Variants in PKP1 observed in about 807,000 individuals in gnomAD.
PKP1 encodes the protein plakophilin-1.
PKP1 carries 27 observed loss-of-function variants against 76.4 expected under a neutral mutation model. The ratio of observed to expected loss-of-function variants is 0.35; its 90% CI spans 0.26 to 0.49. The LOEUF (loss-of-function observed/expected upper bound fraction) is 0.49, where lower values mean the gene tolerates loss of function less well. Among genes scored for constraint, PKP1 ranks in the 20% least tolerant of loss-of-function variants. PKP1 has a pLI of 0.99. For missense variants in PKP1, 964 were observed against 955.2 expected (o/e 1.01, Z -0.12); for synonymous variants, 404 against 384.2 (o/e 1.05, Z -0.60).
intron 7 of PKP1, among the ~76,000 whole-genome samples, chr1:201,321,276 C>T (rs1157302842): frequency 6.6e-6 from 1 of 152,212 alleles, no homozygotes. Flanking sequence ...ACCTGTGTAA[C>T]CCCAAGCCCT....
chr1:201,283,822 C>G lies in PKP1; in HGVS notation c.120C>G (p.Arg40=), dbSNP rs1655645174. The change falls in exon 1 of 14, where the codon CGC becomes CGG. Residue 40 remains arginine (R), a synonymous_variant. Transcript: ENST00000367324. ...KMKTGTSGRQ[R]VQEQVMMTVK... ...AAACAGGCACGTCTGGCAGGCAGCG[C>G]GTGCAGGAGCAGGTGATGATGACCG... 2 of 1,614,050 alleles carry G rather than the reference C, an allele frequency of 1.2e-6. No individual in the cohort carries two copies. Among genetic ancestry groups the G allele is most frequent in the African/African-American group, 1.3e-5 (1 of 74,946 alleles).
rs1398149786 is a variant in PKP1 at position 201,323,112 on chromosome 1, A to G, written c.1603A>G (p.Met535Val). 6.2e-7 allele frequency: 1 copy of G among 1,613,350 alleles called. No homozygotes were observed. Among genetic ancestry groups the G allele is most frequent in the Admixed American group, 1.7e-5 (1 of 60,020 alleles). Residue 535 changes from methionine (M) to valine (V), a missense_variant, in exon 9 of 14, where the codon ATG becomes GTG. By Grantham distance (21) the Met-to-Val change is conservative. Coordinates refer to ENST00000367324, the MANE Select transcript of PKP1 (RefSeq NM_001005337.3). Reference sequence around the variant, plus strand: ...TGCCATCCGCACCTACCTGAACCTCATGGGCAAGAGCAAGAAAGATGCTAC... The same window carrying G: ...TGCCATCCGCACCTACCTGAACCTCGTGGGCAAGAGCAAGAAAGATGCTAC... ...SDAIRTYLNL[M>V]GKSKKDATLE...
Position 201,316,687 on chromosome 1 carries a change from C to T in PKP1, c.836C>T (p.Ala279Val). 6.2e-7 allele frequency: 1 copy of T among 1,613,808 alleles called. No homozygotes were observed. The highest frequency in any genetic ancestry group is 8.5e-7 in the Non-Finnish European group (1 of 1,180,008). The change falls in exon 4 of 14, where the codon GCC (alanine) becomes GTC (valine). Residue 279 changes from alanine to valine, a missense_variant. By Grantham distance (64) the Ala-to-Val change is moderately conservative (BLOSUM62 0). Coordinates refer to ENST00000367324, the MANE Select transcript of PKP1 (RefSeq NM_001005337.3). The stretch of plus-strand genomic sequence containing the variant: ...CATACCTGCTTCCAGGATGAATCTG[C>T]CAAGCAACAGGTAGCTGGTTGCATA... ...IQHTCFQDES[A>V]KQQVYQLGGI...
At chr1:201,293,149 A>G (rs1432716310) in intron 1 of PKP1, among the ~76,000 whole-genome samples, 1 of 152,158 alleles carries the variant, frequency 6.6e-6, no homozygotes, top group Non-Finnish European at 1.5e-5. Context: ...AGGACAGTGA[A>G]CAGACCAGCT....
At chr1:201,300,412 C>T (rs1266194406) in intron 2 of PKP1, among the ~76,000 whole-genome samples, 2 of 152,242 alleles carry the variant, frequency 1.3e-5, no homozygotes, top group Non-Finnish European at 2.9e-5. Flanking sequence ...TTCTGTTGCC[C>T]TTAGGGTTGG....
Position 201,323,007 on chromosome 1 carries a change from C to T in PKP1, c.1504-6C>T. 1 of 1,613,900 alleles carries T rather than the reference C, an allele frequency of 6.2e-7. No homozygotes were observed. On this transcript the variant is annotated splice_region_variant and splice_polypyrimidine_tract_variant and intron_variant, in intron 8 of 13. Coordinates refer to ENST00000367324, the MANE Select transcript of PKP1 (RefSeq NM_001005337.3). Reference sequence around the variant, plus strand: ...TTGACCCCCCTGACCGGCTCTTTATCCTCAGAACAACAACTATGACTGCCC... The same window carrying T: ...TTGACCCCCCTGACCGGCTCTTTATTCTCAGAACAACAACTATGACTGCCC...
chr1:201,313,504 C>T lies in PKP1; in HGVS notation c.645C>T (p.Ile215=). 1.2e-6 allele frequency: 2 copies of T among 1,614,020 alleles called. No individual in the cohort carries two copies. Residue 215 remains isoleucine, a synonymous_variant, in exon 3 of 14, where the codon ATC becomes ATT. Coordinates refer to ENST00000367324, the MANE Select transcript of PKP1 (RefSeq NM_001005337.3). ...CCTCCAAGCAGGACCCTGTGTATAT[C>T]CCGCCCATCTCCTGCAACAAGGACC... ...SCASKQDPVY[I]PPISCNKDLS... is the part of the protein sequence containing the mutation.
Position 201,320,450 on chromosome 1 carries a change from G to A in PKP1, c.1347+69G>A, listed in dbSNP as rs190959408. The A allele has an allele frequency of 1.2e-5, 12 of 983,388 alleles. No individual in the cohort carries two copies. In the East Asian group the frequency reaches 2.2e-4, roughly 18 times the overall value. The allele number at this position is 983,388 out of a possible 1,614,324, so 60.9% of individuals were successfully genotyped here. A position where few individuals can be genotyped will look rare whatever the true frequency, so the allele number is the denominator to read the frequency against. On this transcript the variant is annotated intron_variant, in intron 7 of 13. Transcript: ENST00000367324. ...CCCTACATTTTCTGGGTGCCTTTGA[G>A]GCCTGGCCCAGTGACAAGACAGGAG...
chr1:201,287,044 G>A (rs1259363287), intron 1 of PKP1, among the ~76,000 whole-genome samples: 1 of 152,146 alleles, frequency 6.6e-6, no homozygotes, highest in Non-Finnish European at 1.5e-5. Context: ...CTCCTTCCAG[G>A]GAAGTCCTAA....
At chr1:201,290,883 G>T (rs1425145534) in intron 1 of PKP1, among the ~76,000 whole-genome samples, 1 of 152,176 alleles carries the variant, frequency 6.6e-6, no homozygotes, top group Non-Finnish European at 1.5e-5. Flanking sequence ...TCCTAGAAGT[G>T]CATTCTAGAG....
chr1:201,313,693 C>A, intron 3 of PKP1, 133 bp downstream of exon 3: 3 of 972,298 alleles, frequency 3.1e-6, no homozygotes, highest in Non-Finnish European at 4.5e-6. Flanking sequence ...GAGTTCATTG[C>A]CCCTGGTGTA....
At chr1:201,328,978 T>C in intron 13 of PKP1, 110 bp downstream of exon 13, 6 of 777,322 alleles carry the variant, frequency 7.7e-6, no homozygotes, top group Non-Finnish European at 1.4e-5. Flanking sequence ...AAGCATCCTT[T>C]TGCCTGGCTC....
chr1:201,283,783 G>A lies in PKP1; in HGVS notation c.81G>A (p.Ser27=), dbSNP rs1422494594. ...ACAACTCCACGTTGGCTTTGCCGTC[G>A]GACCAAAAGATGAAAACAGGCACGT... ...DQDNSTLALP[S]DQKMKTGTSG... is the part of the protein sequence containing the mutation. The change falls in exon 1 of 14, where the codon TCG becomes TCA. Residue 27 remains serine (S), a synonymous_variant. Transcript: ENST00000367324. 3 of 1,614,048 alleles carry A rather than the reference G, an allele frequency of 1.9e-6. No individual in the cohort carries two copies. The highest frequency in any genetic ancestry group is 1.7e-5 in the Admixed American group (1 of 60,010).
Position 201,283,854 on chromosome 1 carries a change from G to A in PKP1, c.152G>A (p.Arg51Gln). Residue 51 changes from arginine (R) to glutamine (Q), a missense_variant, in exon 1 of 14, where the codon CGG (arginine) becomes CAG (glutamine). Arg to Gln is a conservative substitution (Grantham distance 43). Transcript: ENST00000367324. ...VQEQVMMTVK[R>Q]QKSKSSQSST... ...GAGCAGGTGATGATGACCGTCAAGCGGCAGAAGTCCAAGTCTTCCCAGTCG... is the reference window on the plus strand; with the variant it reads ...GAGCAGGTGATGATGACCGTCAAGCAGCAGAAGTCCAAGTCTTCCCAGTCG... 5 of 1,614,146 alleles carry A rather than the reference G, an allele frequency of 3.1e-6. No individual in the cohort carries two copies. The South Asian group carries it at 5.5e-5, about 18-fold the overall frequency.
At chr1:201,325,219 G>T in intron 11 of PKP1, 92 bp downstream of exon 11, 1 of 1,331,778 alleles carries the variant, frequency 7.5e-7, no homozygotes, top group Non-Finnish European at 1.1e-6. Flanking sequence ...TCTCCATGGA[G>T]TAGGGGAAGC....
In PKP1 at chr1:201,313,220, A is replaced by T. The variant is rs1054931349; in HGVS notation, c.361A>T (p.Ser121Cys). 6.2e-7 allele frequency: 1 copy of T among 1,605,532 alleles called. No individual in the cohort carries two copies. Among genetic ancestry groups the T allele is most frequent in the African/African-American group, 1.3e-5 (1 of 74,770 alleles). Residue 121 changes from serine to cysteine, a missense_variant, in exon 3 of 14, where the codon AGC becomes TGC. By Grantham distance (112) the Ser-to-Cys change is moderately radical. Transcript: ENST00000367324. ...EPDNRRFSSY[S>C]QMENWSRHYP... Reference sequence around the variant, plus strand: ...TGACAACAGGCGCTTCAGCTCCTACAGCCAGATGGAGAACTGGAGCCGGCA... The same window carrying T: ...TGACAACAGGCGCTTCAGCTCCTACTGCCAGATGGAGAACTGGAGCCGGCA...
intron 2 of PKP1, among the ~76,000 whole-genome samples, chr1:201,309,687 G>A (rs1281969734): frequency 6.6e-6 from 1 of 152,204 alleles, no homozygotes; most frequent in African/African-American, 2.4e-5. Flanking sequence ...TGCAGCGGGC[G>A]CACGTGCACT....
In PKP1 at chr1:201,317,686, A is replaced by G; in HGVS notation, c.961A>G (p.Asn321Asp). The G allele has an allele frequency of 6.2e-7, 1 of 1,613,920 alleles. No individual in the cohort carries two copies. The highest frequency in any genetic ancestry group is 8.5e-7 in the Non-Finnish European group (1 of 1,179,960). ...CAACCTGGTGTTCAGGAGCACCACC[A>G]ACAAGCTGGAGACCCGGAGGCAGAA... ...LRNLVFRSTTNKLETRRQNGI... is the reference protein window; with the variant it reads ...LRNLVFRSTTDKLETRRQNGI... Residue 321 changes from asparagine to aspartate, a missense_variant, in exon 5 of 14, where the codon AAC (asparagine) becomes GAC (aspartate). Coordinates refer to ENST00000367324, the MANE Select transcript of PKP1 (RefSeq NM_001005337.3).
At chr1:201,289,841 A>C (rs1213623441) in intron 1 of PKP1, among the ~76,000 whole-genome samples, 1 of 152,202 alleles carries the variant, frequency 6.6e-6, no homozygotes, top group Non-Finnish European at 1.5e-5. Flanking sequence ...GGGTGCGGTC[A>C]TCTTTAGGAG....
Sources: allele counts gnomAD v4.1 joint callset (sites outside exome capture counted in the v4.1 genomes callset), GRCh38; gene constraint gnomAD v4.1.1; transcripts MANE v1.5; gene names NCBI Gene and HGNC (gene_info 2026-07-23, HGNC 2026-07-21).